Variants in RPS6KA6 observed in about 807,000 individuals in gnomAD.
The protein encoded by RPS6KA6 is ribosomal protein S6 kinase A6.
Under a neutral mutation model 65.4 loss-of-function variants are expected in RPS6KA6, and 27 were observed. The observed-to-expected ratio is 0.41, with a 90% CI of 0.30 to 0.57. RPS6KA6 has a LOEUF of 0.57. RPS6KA6 is among the 20% of genes least tolerant of loss of function. The probability of loss-of-function intolerance (pLI) is 0.24; values close to 1 mark genes in which losing one functional copy is unlikely to be tolerated. For missense variants in RPS6KA6, 486 were observed against 555.6 expected (o/e 0.87, Z 1.26); for synonymous variants, 190 against 184.2 (o/e 1.03, Z -0.26).
Position 84,096,196 on chromosome X carries a change from T to C in RPS6KA6, c.1969A>G (p.Lys657Glu), listed in dbSNP as rs34603420. 8.9e-7 allele frequency: 1 copy of C among 1,122,683 alleles called. No homozygotes were observed. The highest frequency in any genetic ancestry group is 1.2e-6 in the Non-Finnish European group (1 of 814,981). The allele number at this position is 1,122,683 out of a possible 1,213,427, so 92.5% of individuals were successfully genotyped here. Residue 657 changes from lysine to glutamate, a missense_variant and splice_region_variant, in exon 20 of 22, where the codon AAG (lysine) becomes GAG (glutamate). Physicochemically the swap from Lys to Glu is moderately conservative, Grantham distance 56 (BLOSUM62 1). Transcript: ENST00000262752. ...AAACAAAACATTATAATTTATACCT[T>C]TGCTCCGTCTGAAATATTGTCCCAG... ...GNWDNISDGAKDLLSHMLHMD... is the reference protein window; with the variant it reads ...GNWDNISDGAEDLLSHMLHMD...
chrX:84,110,674 C>G (rs187420891), intron 12 of RPS6KA6, among the ~76,000 whole-genome samples: 4 of 111,346 alleles, frequency 3.6e-5, no homozygotes, highest in South Asian at 3.8e-4. Flanking sequence ...GTCACACCCC[C>G]CAAGAGGGGC....
intron 1 of RPS6KA6, chrX:84,185,975 T>C (rs1195763907): frequency 2.7e-5 from 13 of 488,213 alleles, no homozygotes; most frequent in Middle Eastern, 3.3e-4. Flanking sequence ...TATAATATTT[T>C]TTATTAAGTA....
At chrX:84,126,917 T>C (rs1336961618) in intron 8 of RPS6KA6, among the ~76,000 whole-genome samples, 1 of 111,381 alleles carries the variant, frequency 9.0e-6, no homozygotes, top group East Asian at 2.8e-4. Context: ...TTATGATGTA[T>C]CTTAAAGAAC....
chrX:84,118,636 T>A, intron 9 of RPS6KA6, among the ~76,000 whole-genome samples: 1 of 111,864 alleles, frequency 8.9e-6, no homozygotes, highest in Middle Eastern at 4.6e-3. Context: ...TTGAACCCCC[T>A]AAAGCTCACA....
chrX:84,083,293 C>T (rs2033843591), intron 20 of RPS6KA6, among the ~76,000 whole-genome samples: 1 of 111,984 alleles, frequency 8.9e-6, no homozygotes, highest in African/African-American at 3.2e-5. Flanking sequence ...CATAGGTAAA[C>T]GTCTGCCATG....
At chrX:84,113,289 G>T (rs762217265) in intron 12 of RPS6KA6, among the ~76,000 whole-genome samples, 2 of 111,502 alleles carry the variant, frequency 1.8e-5, no homozygotes, top group Non-Finnish European at 3.8e-5. Flanking sequence ...TTGAGGAGTT[G>T]GGAATCCTTC....
intron 1 of RPS6KA6, among the ~76,000 whole-genome samples, chrX:84,174,968 G>A (rs2035742568): frequency 9.0e-6 from 1 of 111,503 alleles, no homozygotes; most frequent in Non-Finnish European, 1.9e-5. Flanking sequence ...TTTTTCCTTC[G>A]ATTTTTATTA....
chrX:84,187,996 G>T lies in RPS6KA6; in HGVS notation c.-97C>A, dbSNP rs2035950761. Reference sequence around the variant, plus strand: ...CTGGCCCGCCGCCGCCGCCGCCGCCGCCGCCGCCGCCGCGACCCCCAGCCC... The same window carrying T: ...CTGGCCCGCCGCCGCCGCCGCCGCCTCCGCCGCCGCCGCGACCCCCAGCCC... On this transcript the variant is annotated 5_prime_UTR_variant, in exon 1 of 22. Transcript: ENST00000262752. The T allele has an allele frequency of 3.3e-6, 2 of 599,486 alleles. No homozygotes were observed. The highest frequency in any genetic ancestry group is 4.4e-6 in the Non-Finnish European group (2 of 454,301). The allele number at this position is 599,486 out of a possible 1,213,427, so 49.4% of individuals were successfully genotyped here.
chrX:84,103,866 T>A (rs1174097128), intron 17 of RPS6KA6, among the ~76,000 whole-genome samples: 1 of 111,353 alleles, frequency 9.0e-6, no homozygotes, highest in African/African-American at 3.2e-5. Context: ...CCATTTTAAA[T>A]TTCTTTATTA....
At chrX:84,150,882 TATATAGAGGATATATATAGGATATATAG>T in intron 3 of RPS6KA6, among the ~76,000 whole-genome samples, 1 of 98,507 alleles carries the variant, frequency 1.0e-5, no homozygotes, top group African/African-American at 3.7e-5. Context: ...AGGATATATA[TATATAGAGGATATATATAGGATATATAG>T]AGAGGATATA....
intron 8 of RPS6KA6, 106 bp from the exon 9 acceptor site, chrX:84,120,133 G>T: frequency 3.8e-6 from 2 of 521,336 alleles, no homozygotes; most frequent in Non-Finnish European, 5.7e-6. Context: ...TTTATGGATG[G>T]CCTACAGTTA....
chrX:84,080,845 A>G (rs1403617192), intron 20 of RPS6KA6, among the ~76,000 whole-genome samples: 2 of 111,504 alleles, frequency 1.8e-5, no homozygotes, highest in African/African-American at 6.5e-5. Flanking sequence ...ACACAACTAC[A>G]TGGAAAGGGA....
chrX:84,150,236 A>G (rs2035276105), intron 3 of RPS6KA6, among the ~76,000 whole-genome samples: 1 of 111,521 alleles, frequency 9.0e-6, no homozygotes, highest in Non-Finnish European at 1.9e-5. Context: ...TTGATCTTCT[A>G]TTTAGACCAC....
intron 20 of RPS6KA6, among the ~76,000 whole-genome samples, chrX:84,091,351 T>A (rs2147388074): frequency 1.8e-5 from 2 of 112,424 alleles, no homozygotes; most frequent in Non-Finnish European, 3.8e-5. Flanking sequence ...TGAAAAAGTA[T>A]CCAATTGAGT....
At chrX:84,126,904 A>G (rs2036632269) in intron 8 of RPS6KA6, among the ~76,000 whole-genome samples, 1 of 111,661 alleles carries the variant, frequency 9.0e-6, no homozygotes, top group Admixed American at 9.5e-5. Context: ...AATTCAAATA[A>G]CTTTATGATG....
chrX:84,117,457 AAAAC>A lies in RPS6KA6; in HGVS notation c.790-7_790-4del, dbSNP rs747343253. On this transcript the variant is annotated splice_polypyrimidine_tract_variant and splice_region_variant and intron_variant, in intron 9 of 21. Coordinates refer to ENST00000262752, the MANE Select transcript of RPS6KA6 (RefSeq NM_014496.5). Reference sequence around the variant, plus strand: ...AGAGTACCAGTAAGCATTTCAAACTAAAACAAACAAACAAAACACACCACACAAT... The same window carrying A: ...AGAGTACCAGTAAGCATTTCAAACTAAAACAAACAAAACACACCACACAAT... 1.1e-4 allele frequency: 119 copies of A among 1,123,710 alleles called. No individual in the cohort carries two copies. Among genetic ancestry groups the A allele is most frequent in the Non-Finnish European group, 1.2e-4 (104 of 835,250 alleles). 92.6% of individuals were successfully genotyped at this position (1,123,710 alleles called of 1,213,427 possible).
intron 1 of RPS6KA6, among the ~76,000 whole-genome samples, chrX:84,174,436 G>A (rs774544141): frequency 9.0e-6 from 1 of 111,622 alleles, no homozygotes; most frequent in African/African-American, 3.3e-5. Context: ...TAAAAGAGAT[G>A]TCTTTTTTTT....
At chrX:84,095,318 C>A (rs943780729) in intron 20 of RPS6KA6, among the ~76,000 whole-genome samples, 2 of 111,599 alleles carry the variant, frequency 1.8e-5, no homozygotes, top group East Asian at 5.6e-4. Flanking sequence ...AGCTTAAAAG[C>A]TTCTGGGACC....
chrX:84,065,121 A>G lies in RPS6KA6; in HGVS notation c.1972-10T>C. 8.6e-7 allele frequency: 1 copy of G among 1,159,116 alleles called. No individual in the cohort carries two copies. Among genetic ancestry groups the G allele is most frequent in the Non-Finnish European group, 1.2e-6 (1 of 855,010 alleles). On this transcript the variant is annotated splice_polypyrimidine_tract_variant and intron_variant, in intron 20 of 21. Coordinates refer to ENST00000262752, the MANE Select transcript of RPS6KA6 (RefSeq NM_014496.5). ...TATGGGAAAGCAAATCCTAAATTAAAAAAAATGTGTGTGTATATATATATA... is the reference window on the plus strand; with the variant it reads ...TATGGGAAAGCAAATCCTAAATTAAGAAAAATGTGTGTGTATATATATATA...
Sources: allele counts gnomAD v4.1 joint callset (sites outside exome capture counted in the v4.1 genomes callset), GRCh38; gene constraint gnomAD v4.1.1; transcripts MANE v1.5; gene names NCBI Gene and HGNC (gene_info 2026-07-23, HGNC 2026-07-21).